PUDP: variants seen among roughly 807,000 people sequenced by gnomAD.
PUDP encodes pseudouridine 5'-phosphatase, also known as pseudouridine-5'-phosphatase.
PUDP carries 8 observed loss-of-function variants against 9.4 expected under a neutral mutation model. The observed-to-expected ratio is 0.85, with a 90% CI of 0.50 to 1.53. The LOEUF is 1.53. Among genes scored for constraint, PUDP ranks in the 40% most tolerant of loss-of-function variants. The probability of loss-of-function intolerance (pLI) is 0.00; values close to 1 mark genes in which losing one functional copy is unlikely to be tolerated. For synonymous variants in PUDP, 99 were observed against 80.7 expected (o/e 1.23, Z -1.22); for missense variants, 188 against 189.7 (o/e 0.99, Z 0.05).
intron 3 of PUDP, among the ~76,000 whole-genome samples, chrX:6,749,330 CT>C (rs1449893162): frequency 9.0e-6 from 1 of 111,355 alleles, no homozygotes; most frequent in African/African-American, 3.3e-5. Flanking sequence ...TGAATTTTCA[CT>C]GTTGGATGTG....
intron 1 of PUDP, among the ~76,000 whole-genome samples, chrX:6,985,266 G>A (rs767829881): frequency 3.8e-4 from 43 of 111,970 alleles, no homozygotes; most frequent in African/African-American, 1.2e-3. Flanking sequence ...TTCATCTAAA[G>A]ATATAAGCAA....
chrX:6,841,323 G>A (rs1359184512), intron 3 of PUDP, among the ~76,000 whole-genome samples: 3 of 109,815 alleles, frequency 2.7e-5, no homozygotes, highest in Non-Finnish European at 5.7e-5. Context: ...CAGGTGTGCT[G>A]GCTCATGCTT....
At chrX:7,045,153 T>A (rs912123637), downstream of PUDP, among the ~76,000 whole-genome samples, 4 of 112,205 alleles carry the variant, frequency 3.6e-5, no homozygotes, top group African/African-American at 1.3e-4. Context: ...AGCCAATGGT[T>A]TTAAGTCTGG....
At chrX:7,132,795 A>C (rs1428151634) in intron 1 of PUDP, among the ~76,000 whole-genome samples, 1 of 111,471 alleles carries the variant, frequency 9.0e-6, no homozygotes, top group African/African-American at 3.3e-5. Flanking sequence ...CTATGCTCTC[A>C]CCAAAGCCAC....
At chrX:7,077,938 C>A (rs1445392977) in intron 2 of PUDP, among the ~76,000 whole-genome samples, 1 of 112,658 alleles carries the variant, frequency 8.9e-6, no homozygotes, top group East Asian at 2.8e-4. Flanking sequence ...TTCAATCATT[C>A]TTCACCCTGC....
chrX:7,014,164 C>T (rs1929516554), intron 1 of PUDP, among the ~76,000 whole-genome samples: 2 of 110,420 alleles, frequency 1.8e-5, no homozygotes, highest in Non-Finnish European at 3.8e-5. Context: ...GCCGTGTCAT[C>T]TGCCATTTGT....
intron 1 of PUDP, among the ~76,000 whole-genome samples, chrX:7,133,046 G>A (rs1466380967): frequency 8.9e-6 from 1 of 112,287 alleles, no homozygotes; most frequent in Non-Finnish European, 1.9e-5. Context: ...TGGAAGGTGT[G>A]GGTGGGGATG....
intron 1 of PUDP, among the ~76,000 whole-genome samples, chrX:7,146,075 G>A (rs1462124793): frequency 1.8e-5 from 2 of 111,149 alleles, no homozygotes; most frequent in African/African-American, 3.3e-5. Flanking sequence ...AGTTTTGCAA[G>A]GCCTTACCAC....
intron 3 of PUDP, among the ~76,000 whole-genome samples, chrX:6,728,103 ATGTG>A (rs1569088110): frequency 8.1e-5 from 9 of 111,359 alleles, no homozygotes; most frequent in African/African-American, 1.3e-4. Flanking sequence ...GGCAAAAGGC[ATGTG>A]TTACATGGTG....
intron 3 of PUDP, among the ~76,000 whole-genome samples, chrX:6,759,256 G>A (rs915807472): frequency 8.9e-6 from 1 of 112,245 alleles, no homozygotes; most frequent in African/African-American, 3.2e-5. Flanking sequence ...TTTAGGAACT[G>A]TAGTGGGAGT....
rs148778722 is a variant in PUDP, at chrX:7,041,105, G to A, written c.204+36115C>T. Reference sequence around the variant, plus strand: ...GATGAGCAGAGTCATGTTCTGAGGGGATTTGCATTTTTAAAAGGAGATTAA... The same window carrying A: ...GATGAGCAGAGTCATGTTCTGAGGGAATTTGCATTTTTAAAAGGAGATTAA... On this transcript the variant is annotated intron_variant and NMD_transcript_variant, in intron 1 of 3. Transcript: ENST00000655425. Among the ~76,000 whole-genome samples the A allele has an allele frequency of 3.6e-3, 399 of 112,116 alleles. 2 individuals carry two copies. The highest frequency in any genetic ancestry group is 0.012 in the African/African-American group (379 of 30,849).
At chrX:6,868,532 A>G (rs968347561) in intron 3 of PUDP, among the ~76,000 whole-genome samples, 2 of 112,320 alleles carry the variant, frequency 1.8e-5, no homozygotes, top group African/African-American at 6.5e-5. Context: ...ATCACATCAC[A>G]TAAACTCTAC....
At chrX:7,036,275 GT>G in intron 1 of PUDP, among the ~76,000 whole-genome samples, 1 of 111,148 alleles carries the variant, frequency 9.0e-6, no homozygotes, top group South Asian at 3.8e-4. Flanking sequence ...CTAGGTTTTT[GT>G]TTTTTTTGAA....
At chrX:6,985,385 T>A (rs1199023025) in intron 1 of PUDP, among the ~76,000 whole-genome samples, 1 of 111,459 alleles carries the variant, frequency 9.0e-6, no homozygotes, top group African/African-American at 3.3e-5. Context: ...TGATTGCCCT[T>A]ATTTTGTCTC....
intron 3 of PUDP, among the ~76,000 whole-genome samples, chrX:6,975,942 C>G (rs897851963): frequency 1.8e-5 from 2 of 112,363 alleles, no homozygotes; most frequent in African/African-American, 6.5e-5. Flanking sequence ...GCTGCAGCAG[C>G]TTTGCAGCCA....
chrX:6,752,807 G>C (rs773157420), intron 3 of PUDP, among the ~76,000 whole-genome samples: 2 of 111,505 alleles, frequency 1.8e-5, no homozygotes, highest in Non-Finnish European at 3.8e-5. Flanking sequence ...AGCAATCAAG[G>C]TTGCTTAATC....
intron 3 of PUDP, among the ~76,000 whole-genome samples, chrX:6,824,920 G>C (rs1230745578): frequency 8.9e-6 from 1 of 112,020 alleles, no homozygotes; most frequent in Non-Finnish European, 1.9e-5. Flanking sequence ...GAGCACCCAG[G>C]TGGAAGACGG....
downstream of PUDP, among the ~76,000 whole-genome samples, chrX:7,047,764 A>C (rs1930003442): frequency 8.9e-6 from 1 of 112,839 alleles, no homozygotes; most frequent in Non-Finnish European, 1.9e-5. Context: ...TGTGGAGCAG[A>C]AGAGTACAGT....
intron 3 of PUDP, among the ~76,000 whole-genome samples, chrX:6,866,087 T>C (rs1482573995): frequency 3.6e-5 from 4 of 110,512 alleles, no homozygotes; most frequent in Non-Finnish European, 7.6e-5. Context: ...TGCAGGACTA[T>C]TTTTTCTTTT....
Sources: allele counts gnomAD v4.1 joint callset (sites outside exome capture counted in the v4.1 genomes callset), GRCh38; gene constraint gnomAD v4.1.1; transcripts MANE v1.5; gene names NCBI Gene and HGNC (gene_info 2026-07-23, HGNC 2026-07-21).